The following NUP85 variants were observed in gnomAD, a reference collection of about 807,000 sequenced individuals.
The protein encoded by NUP85 is nuclear pore complex protein Nup85.
A neutral mutation model predicts 92.8 loss-of-function variants in NUP85; 23 were observed. The ratio of observed to expected loss-of-function variants is 0.25; its 90% CI spans 0.18 to 0.35. The LOEUF (loss-of-function observed/expected upper bound fraction) is 0.35. Ranked by LOEUF, NUP85 falls within the 10% of genes least tolerant of loss-of-function variation. NUP85 has a pLI of 1.00. For synonymous variants in NUP85, 314 were observed against 306.9 expected (o/e 1.02, Z -0.24); for missense variants, 759 against 822.8 (o/e 0.92, Z 0.95).
intron 11 of NUP85, chr17:75,228,872 G>C (rs2075929824): frequency 1.0e-6 from 1 of 985,448 alleles, no homozygotes; most frequent in East Asian, 1.1e-4. Flanking sequence ...TAGTTCGTCA[G>C]CCCTGCTAAA....
chr17:75,234,075 G>A (rs539738478), intron 16 of NUP85, among the ~76,000 whole-genome samples: 24 of 139,034 alleles, frequency 1.7e-4, no homozygotes, highest in East Asian at 4.3e-4. Flanking sequence ...TTTTTGAGAC[G>A]GAGTCTCACT....
At chr17:75,217,809 C>T (rs1395911876) in intron 6 of NUP85, among the ~76,000 whole-genome samples, 1 of 152,286 alleles carries the variant, frequency 6.6e-6, no homozygotes, top group Middle Eastern at 3.4e-3. Flanking sequence ...CCCCCTGGCC[C>T]TATGTTTTTA....
Position 75,231,675 on chromosome 17 carries a change from C to T in NUP85, c.1244+37C>T. On this transcript the variant is annotated intron_variant, in intron 13 of 18. Transcript: ENST00000245544. The surrounding 1 kb of genome is among the most constrained non-coding windows in gnomAD (Gnocchi z 4.6). ...CCCATGGGTGTGGGCTATGCGGGTG[C>T]TCTTCAGCATGCGGGTGCCATTGGA... 3.2e-6 allele frequency: 5 copies of T among 1,567,848 alleles called. No individual in the cohort carries two copies. The South Asian group carries it at 5.1e-5, about 16-fold the overall frequency.
At chr17:75,210,396 T>A (rs1180335758) in intron 3 of NUP85, among the ~76,000 whole-genome samples, 1 of 152,190 alleles carries the variant, frequency 6.6e-6, no homozygotes, top group East Asian at 1.9e-4. Flanking sequence ...ATTTATAGAT[T>A]AGGATTTTCT....
intron 5 of NUP85, among the ~76,000 whole-genome samples, chr17:75,213,544 C>G (rs909151581): frequency 6.6e-6 from 1 of 151,974 alleles, no homozygotes; most frequent in African/African-American, 2.4e-5. Flanking sequence ...CCACCCGCCT[C>G]GACCTCCCAA....
chr17:75,232,682 C>T (rs1189904740), intron 14 of NUP85, among the ~76,000 whole-genome samples, 169 bp from the exon 15 acceptor site: 3 of 152,162 alleles, frequency 2.0e-5, no homozygotes, highest in African/African-American at 7.2e-5. Context: ...AGATCCCAGA[C>T]ACTGTTAATC....
chr17:75,229,745 C>A (rs2075970615), intron 11 of NUP85, among the ~76,000 whole-genome samples: 1 of 152,184 alleles, frequency 6.6e-6, no homozygotes, highest in Admixed American at 6.5e-5. Flanking sequence ...TGCCTTCCAG[C>A]CTTGGAGGCT....
intron 7 of NUP85, among the ~76,000 whole-genome samples, chr17:75,222,744 C>T (rs771287175): frequency 4.0e-5 from 6 of 151,846 alleles, no homozygotes; most frequent in Non-Finnish European, 8.8e-5. Context: ...GAATCATTAA[C>T]AGTGAAGTCA....
At chr17:75,216,658 A>G (rs1052159466) in intron 6 of NUP85, among the ~76,000 whole-genome samples, 1 of 152,062 alleles carries the variant, frequency 6.6e-6, no homozygotes, top group Non-Finnish European at 1.5e-5. Context: ...CATTTCTTTT[A>G]AGGATTTATG....
Position 75,234,731 on chromosome 17 carries a change from T to G in NUP85, c.1710T>G (p.Pro570=). 1 of 1,614,212 alleles carries G rather than the reference T, an allele frequency of 6.2e-7. No individual in the cohort carries two copies. Among genetic ancestry groups the G allele is most frequent in the Non-Finnish European group, 8.5e-7 (1 of 1,180,028 alleles). The part of the protein sequence containing the change: ...LLSLMTSRIA[P]RSFWMTLLTD... ...CCTTGATGACGTCTCGGATTGCCCC[T>G]CGGTCTTTCTGGATGACTCTGCTGA... The change falls in exon 17 of 19, where the codon CCT becomes CCG. Residue 570 remains proline, a synonymous_variant. Transcript: ENST00000245544.
At chr17:75,218,401 A>G (rs895754943) in intron 7 of NUP85, 95 bp downstream of exon 7, 11 of 1,513,280 alleles carry the variant, frequency 7.3e-6, no homozygotes, top group Non-Finnish European at 1.0e-5. Context: ...CTCCAGCAGT[A>G]GGCTGGCTTT....
Position 75,231,454 on chromosome 17 carries a change from T to C in NUP85, c.1178+31T>C, listed in dbSNP as rs779897099. On this transcript the variant is annotated intron_variant, in intron 12 of 18. Coordinates refer to ENST00000245544, the MANE Select transcript of NUP85 (RefSeq NM_024844.5). The surrounding 1 kb of genome is among the most constrained non-coding windows in gnomAD (Gnocchi z 4.6). ...TGGCCGGGAGGCACCGATCCTCCTC[T>C]TCTTACCACCAGGCCCCCGAGGGTG... The C allele has an allele frequency of 4.3e-6, 7 of 1,612,978 alleles. No individual in the cohort carries two copies. Among genetic ancestry groups the C allele is most frequent in the Admixed American group, 1.7e-5 (1 of 60,014 alleles).
intron 5 of NUP85, among the ~76,000 whole-genome samples, chr17:75,215,314 A>G (rs563414085): frequency 3.2e-4 from 48 of 152,272 alleles, no homozygotes; most frequent in African/African-American, 1.1e-3. Context: ...GGCTCAAGTG[A>G]TGCTCCCACC....
At chr17:75,223,417 T>C (rs926889931) in intron 7 of NUP85, among the ~76,000 whole-genome samples, 9 of 152,166 alleles carry the variant, frequency 5.9e-5, no homozygotes, top group African/African-American at 2.2e-4. Flanking sequence ...AGATGGAGTC[T>C]CACTCTGTCA....
chr17:75,228,294 C>T (rs974132579), intron 11 of NUP85: 25 of 985,250 alleles, frequency 2.5e-5, no homozygotes, highest in Non-Finnish European at 4.8e-6. Context: ...ACATCACTCT[C>T]GTGCCGGACA....
chr17:75,216,936 G>C (rs981014447), intron 6 of NUP85, among the ~76,000 whole-genome samples: 2 of 152,098 alleles, frequency 1.3e-5, no homozygotes, highest in Non-Finnish European at 2.9e-5. Context: ...ACTTAGGCTG[G>C]AGTGTGGTGG....
At position 75,208,627 on chromosome 17, in the gene NUP85, T is replaced by G. The variant is rs773155166; in HGVS notation, c.127+7T>G. 7 of 1,502,150 alleles carry G rather than the reference T, an allele frequency of 4.7e-6. No individual in the cohort carries two copies. The highest frequency in any genetic ancestry group is 2.3e-5 in the East Asian group (1 of 44,318). 93.1% of individuals were successfully genotyped at this position (1,502,150 alleles called of 1,614,324 possible). Reference sequence around the variant, plus strand: ...ACCTCCTTCAACAAAAAAGGTAGGGTTTTTTTTCTTCCAAATTATCCATCT... The same window carrying G: ...ACCTCCTTCAACAAAAAAGGTAGGGGTTTTTTTCTTCCAAATTATCCATCT... On this transcript the variant is annotated splice_region_variant and intron_variant, in intron 2 of 18. Transcript: ENST00000245544.
At chr17:75,220,144 A>G (rs1216505312) in intron 7 of NUP85, among the ~76,000 whole-genome samples, 1 of 151,876 alleles carries the variant, frequency 6.6e-6, no homozygotes, top group South Asian at 2.1e-4. Flanking sequence ...TCCTTTTTTG[A>G]GACAGAGTCT....
At chr17:75,205,902 C>T in intron 1 of NUP85, 108 bp downstream of exon 1, 3 of 1,273,152 alleles carry the variant, frequency 2.4e-6, no homozygotes, top group Admixed American at 1.9e-5. Context: ...CGCTCGTCCC[C>T]TTCCCTCGAC....
Sources: gnomAD v4.1 joint callset for allele counts (sites outside exome capture counted in the v4.1 genomes callset) on GRCh38, gnomAD v4.1.1 for gene constraint, Gnocchi (gnomAD v3.1) non-coding constraint, MANE v1.5 for transcripts, NCBI Gene and HGNC (gene_info 2026-07-23, HGNC 2026-07-21) for gene names.